METTL9: variants seen among roughly 807,000 people sequenced by gnomAD.
The protein encoded by METTL9 is protein-L-histidine N-pros-methyltransferase.
METTL9 carries 10 observed loss-of-function variants against 36.0 expected under a neutral mutation model. The ratio of observed to expected loss-of-function variants is 0.28; its 90% CI spans 0.17 to 0.47. The LOEUF (loss-of-function observed/expected upper bound fraction) is 0.47. METTL9 is among the 20% of genes least tolerant of loss of function. METTL9 has a pLI of 0.99. For missense variants in METTL9, 246 were observed against 383.5 expected (o/e 0.64, Z 3.00); for synonymous variants, 175 against 149.7 (o/e 1.17, Z -1.23).
chr16:21,627,767 G>T (rs1965847921), intron 4 of METTL9, among the ~76,000 whole-genome samples: 1 of 152,122 alleles, frequency 6.6e-6, no homozygotes, highest in African/African-American at 2.4e-5. Context: ...AGTTAACACA[G>T]TGAAACACCA....
At chr16:21,628,924 C>T (rs1162180329) in intron 4 of METTL9, among the ~76,000 whole-genome samples, 1 of 143,008 alleles carries the variant, frequency 7.0e-6, no homozygotes, top group Non-Finnish European at 1.5e-5. Context: ...GAGTCTCACT[C>T]TGTCACCGAG....
In METTL9 at chr16:21,643,105, T is replaced by C. The variant is rs1210215366; in HGVS notation, c.752-12122T>C. 13 of 1,609,104 alleles carry C rather than the reference T, an allele frequency of 8.1e-6. No homozygotes were observed. Among genetic ancestry groups the C allele is most frequent in the East Asian group, 2.2e-5 (1 of 44,858 alleles). On this transcript the variant is annotated intron_variant, in intron 4 of 4. Coordinates refer to ENST00000358154, the MANE Select transcript of METTL9 (RefSeq NM_016025.5). ...CTGATTTGTTTCCACATGTCTCTTA[T>C]GGTATAGTTCTTGAGCAATTTCCTG...
chr16:21,617,850 C>CT lies in METTL9; in HGVS notation c.357-8dup, dbSNP rs750157988. On this transcript the variant is annotated splice_polypyrimidine_tract_variant and intron_variant, in intron 2 of 4. Transcript: ENST00000358154. ...TTGCATAGACACTTCCATTTTTGTCCTTTTTTTCTTTCAGGTTGCTAGGAA... is the reference window on the plus strand; with the variant it reads ...TTGCATAGACACTTCCATTTTTGTCCTTTTTTTTCTTTCAGGTTGCTAGGAA... The CT allele has an allele frequency of 1.2e-5, 20 of 1,611,496 alleles. No homozygotes were observed. Among genetic ancestry groups the CT allele is most frequent in the Non-Finnish European group, 1.4e-5 (17 of 1,177,958 alleles).
chr16:21,616,299 A>G (rs1965553655), intron 2 of METTL9, among the ~76,000 whole-genome samples: 2 of 152,202 alleles, frequency 1.3e-5, no homozygotes, highest in Admixed American at 1.3e-4. Flanking sequence ...AAGGCCTAGA[A>G]GTGGGCTGGC....
chr16:21,625,241 C>A lies in METTL9; in HGVS notation c.751+126C>A, dbSNP rs559847821. 4 of 1,035,778 alleles carry A rather than the reference C, an allele frequency of 3.9e-6. No individual in the cohort carries two copies. In the East Asian group the frequency reaches 7.6e-5, roughly 20 times the overall value. The allele number at this position is 1,035,778 out of a possible 1,614,324, so 64.2% of individuals were successfully genotyped here. A position where few individuals can be genotyped will look rare whatever the true frequency, so the allele number is the denominator to read the frequency against. Reference sequence around the variant, plus strand: ...TAATAGCCTGCAGTTTAAAGTAATCCAGTTAATCCATGTAAAACACCATCT... The same window carrying A: ...TAATAGCCTGCAGTTTAAAGTAATCAAGTTAATCCATGTAAAACACCATCT... On this transcript the variant is annotated intron_variant, in intron 4 of 4. Coordinates refer to ENST00000358154, the MANE Select transcript of METTL9 (RefSeq NM_016025.5).
chr16:21,655,189 T>C (rs1482887739), intron 4 of METTL9, 38 bp from the exon 5 acceptor site: 2 of 1,577,332 alleles, frequency 1.3e-6, no homozygotes, highest in Admixed American at 1.7e-5. Context: ...ATCACTTGTT[T>C]GTTCAAGAAT....
intron 1 of METTL9, among the ~76,000 whole-genome samples, chr16:21,611,891 G>C (rs993392644): frequency 1.8e-4 from 28 of 152,128 alleles, no homozygotes; most frequent in African/African-American, 5.8e-4. Context: ...TTTGAATTTT[G>C]TTCTAGAATG....
At chr16:21,633,187 C>T (rs1238203182) in intron 4 of METTL9, among the ~76,000 whole-genome samples, 4 of 152,054 alleles carry the variant, frequency 2.6e-5, no homozygotes, top group Non-Finnish European at 4.4e-5. Context: ...TGAGGGCCCT[C>T]ATTCCTTGCT....
intron 4 of METTL9, chr16:21,647,010 A>G (rs1191676495): frequency 7.0e-6 from 9 of 1,276,612 alleles, no homozygotes; most frequent in Middle Eastern, 1.8e-4. Context: ...GATCACACCC[A>G]TCACTGGCTA....
intron 4 of METTL9, chr16:21,640,202 T>G (rs1187044658): frequency 6.6e-6 from 1 of 152,036 alleles, no homozygotes; most frequent in African/African-American, 2.4e-5. Context: ...CCTCCCAAAG[T>G]GTTGGGATTA....
chr16:21,619,171 T>A (rs1040754806), intron 3 of METTL9, among the ~76,000 whole-genome samples: 3 of 152,188 alleles, frequency 2.0e-5, no homozygotes, highest in African/African-American at 7.2e-5. Flanking sequence ...TTTACTTCTT[T>A]TGGGTATAGA....
intron 4 of METTL9, chr16:21,652,665 G>A: frequency 2.3e-6 from 3 of 1,277,864 alleles, no homozygotes; most frequent in East Asian, 2.4e-5. Context: ...TTTTTCAGAA[G>A]GGAAGAAGAG....
chr16:21,652,108 A>G (rs927057032), intron 4 of METTL9: 1 of 152,880 alleles, frequency 6.5e-6, no homozygotes, highest in Non-Finnish European at 1.5e-5. Flanking sequence ...ATACTATGGG[A>G]TGGCTATTGG....
chr16:21,641,655 C>A, intron 4 of METTL9: 2 of 1,039,256 alleles, frequency 1.9e-6, no homozygotes, highest in South Asian at 1.4e-5. Context: ...AGCCAACTGC[C>A]AAGGAACATG....
intron 2 of METTL9, among the ~76,000 whole-genome samples, chr16:21,615,270 C>T (rs935296589): frequency 1.3e-5 from 2 of 152,126 alleles, no homozygotes; most frequent in Admixed American, 6.5e-5. Context: ...GCTCTGTTGC[C>T]TAGGCTGGAG....
At chr16:21,650,147 C>T (rs1028764609) in intron 4 of METTL9, among the ~76,000 whole-genome samples, 1 of 151,822 alleles carries the variant, frequency 6.6e-6, no homozygotes, top group Non-Finnish European at 1.5e-5. Context: ...GTCCCTGTCT[C>T]TATTAAAGGA....
intron 1 of METTL9, among the ~76,000 whole-genome samples, chr16:21,610,027 A>ATT (rs1379103632): frequency 1.8e-3 from 275 of 152,294 alleles, no homozygotes; most frequent in African/African-American, 6.3e-3. Context: ...ATCCTTTTAA[A>ATT]GAGTACAATT....
chr16:21,645,015 TTCTC>T (rs1283964142), intron 4 of METTL9, among the ~76,000 whole-genome samples: 1 of 152,224 alleles, frequency 6.6e-6, no homozygotes, highest in Non-Finnish European at 1.5e-5. Flanking sequence ...CATTCGGAAT[TTCTC>T]TCTCCTTGCA....
intron 2 of METTL9, among the ~76,000 whole-genome samples, chr16:21,613,833 G>T (rs199821789): frequency 1.2e-3 from 159 of 133,970 alleles, no homozygotes; most frequent in Admixed American, 1.6e-3. Context: ...AGTTTTTTTT[G>T]TTTTTTTTTT....
Sources: allele counts gnomAD v4.1 joint callset (sites outside exome capture counted in the v4.1 genomes callset), GRCh38; gene constraint gnomAD v4.1.1; transcripts MANE v1.5; gene names NCBI Gene and HGNC (gene_info 2026-07-23, HGNC 2026-07-21).